The following PTMA variants were observed in gnomAD, a reference collection of about 807,000 sequenced individuals.
PTMA encodes the protein gene sequence 28.
Under a neutral mutation model 16.9 loss-of-function variants are expected in PTMA, and 4 were observed. The observed-to-expected ratio is 0.24, with a 90% confidence interval of 0.12 to 0.54. The LOEUF is 0.54. Ranked by LOEUF, PTMA falls within the 20% of genes least tolerant of loss-of-function variation. The pLI is 0.95. For missense variants in PTMA, 120 were observed against 137.7 expected (o/e 0.87, Z 0.64); for synonymous variants, 58 against 47.9 (o/e 1.21, Z -0.87).
intron 1 of PTMA, chr2:231,709,794 C>G (rs2060412): frequency 2.4e-5 from 4 of 165,686 alleles, no homozygotes; most frequent in Non-Finnish European, 5.2e-5. Flanking sequence ...CTGACTGGCT[C>G]TTTCTTAATA....
Position 231,712,998 on chromosome 2 carries a change from A to G in PTMA, c.*147A>G. On this transcript the variant is annotated 3_prime_UTR_variant, in exon 5 of 5. Transcript: ENST00000409115. ...GTGGGCAGTGCCACCCGCAGATGAC[A>G]CGCGCTCTCCACCACCCAACCCAAA... 1 of 774,758 alleles carries G rather than the reference A, an allele frequency of 1.3e-6. No homozygotes were observed. Among genetic ancestry groups the G allele is most frequent in the Non-Finnish European group, 2.1e-6 (1 of 482,482 alleles). 48.0% of individuals were successfully genotyped at this position (774,758 alleles called of 1,614,324 possible).
At position 231,713,428 on chromosome 2, in the gene PTMA, C is replaced by G. The variant is rs777968490; in HGVS notation, c.*577C>G. On this transcript the variant is annotated 3_prime_UTR_variant, in exon 5 of 5. Transcript: ENST00000409115. ...AAAGATAAAAGGTTTCTTTTTTTTT[C>G]CTTTTTTGTCTATGAAGTTGCTGTT... 1 of 506,548 alleles carries G rather than the reference C, an allele frequency of 2.0e-6. No homozygotes were observed. Among genetic ancestry groups the G allele is most frequent in the South Asian group, 1.5e-5 (1 of 65,380 alleles). The allele number at this position is 506,548 out of a possible 1,614,324, so 31.4% of individuals were successfully genotyped here. A position where few individuals can be genotyped will look rare whatever the true frequency, so the allele number is the denominator to read the frequency against.
At chr2:231,708,835 A>T (rs964788065) in intron 1 of PTMA, 84 bp downstream of exon 1, 1 of 1,486,662 alleles carries the variant, frequency 6.7e-7, no homozygotes, top group African/African-American at 1.4e-5. Context: ...GGACTGTCTC[A>T]AGCCCGCTGT....
rs991628204 is a variant in PTMA at position 231,710,081 on chromosome 2, G to A, written c.46-1267G>A. 1.5e-5 allele frequency: 18 copies of A among 1,233,624 alleles called. No individual in the cohort carries two copies. In the Middle Eastern group the frequency reaches 1.6e-3, roughly 108 times the overall value. The allele number at this position is 1,233,624 out of a possible 1,614,324, so 76.4% of individuals were successfully genotyped here. ...CACCAAAAGGTGACTTCCCGCGAGG[G>A]CGATGAGTAGTAGCCCGAGAGGCGC... is the stretch of plus-strand genomic sequence containing the variant. On this transcript the variant is annotated intron_variant, in intron 1 of 4. Transcript: ENST00000409115.
intron 1 of PTMA, chr2:231,709,936 C>T (rs2048494687): frequency 5.0e-6 from 3 of 597,346 alleles, no homozygotes; most frequent in Non-Finnish European, 7.2e-6. Context: ...GAGCGGAGCT[C>T]GGGGCCCGGA....
intron 3 of PTMA, 98 bp from the exon 4 acceptor site, chr2:231,712,345 G>C (rs1309915402): frequency 7.8e-7 from 1 of 1,287,530 alleles, no homozygotes; most frequent in Non-Finnish European, 1.1e-6. Flanking sequence ...AGTAGAGGCA[G>C]GGCAGGGACC....
intron 1 of PTMA, among the ~76,000 whole-genome samples, chr2:231,709,263 G>A (rs2048484396): frequency 1.3e-5 from 2 of 152,276 alleles, no homozygotes; most frequent in South Asian, 4.1e-4. Context: ...CGGACCTGAG[G>A]TGGTTTGTCT....
chr2:231,709,033 C>T (rs899239285), intron 1 of PTMA, among the ~76,000 whole-genome samples: 4 of 152,174 alleles, frequency 2.6e-5, no homozygotes, highest in Admixed American at 1.3e-4. Context: ...CGAAACTCGT[C>T]TGTGGCCGGT....
chr2:231,711,112 G>A, intron 1 of PTMA: 2 of 393,926 alleles, frequency 5.1e-6, no homozygotes, highest in Non-Finnish European at 9.3e-6. Flanking sequence ...CGCCACCGGG[G>A]CCGCTGTAGC....
rs2048545108 is a variant in PTMA, at chr2:231,713,340, T to G, written c.*489T>G. 2.0e-6 allele frequency: 1 copy of G among 509,802 alleles called. No homozygotes were observed. Among genetic ancestry groups the G allele is most frequent in the Non-Finnish European group, 4.0e-6 (1 of 252,398 alleles). 31.6% of individuals were successfully genotyped at this position (509,802 alleles called of 1,614,324 possible). ...TCTTATTCCGAGCATTCCAGTAACT[T>G]TTTTGTGTATGTACTTAGCTGTACT... is the stretch of plus-strand genomic sequence containing the variant. On this transcript the variant is annotated 3_prime_UTR_variant, in exon 5 of 5. Coordinates refer to ENST00000409115, the MANE Select transcript of PTMA (RefSeq NM_002823.5).
Position 231,713,498 on chromosome 2 carries a change from C to T in PTMA, c.*647C>T, listed in dbSNP as rs1180722789. 4 of 407,424 alleles carry T rather than the reference C, an allele frequency of 9.8e-6. No individual in the cohort carries two copies. The highest frequency in any genetic ancestry group is 2.0e-5 in the Non-Finnish European group (4 of 200,100). The allele number at this position is 407,424 out of a possible 1,614,324, so 25.2% of individuals were successfully genotyped here. A position where few individuals can be genotyped will look rare whatever the true frequency, so the allele number is the denominator to read the frequency against. ...GATGTATGTGTGAAACAATGTTGTC[C>T]AACAATAAACAGGAATTTTATTTTG... On this transcript the variant is annotated 3_prime_UTR_variant, in exon 5 of 5. Coordinates refer to ENST00000409115, the MANE Select transcript of PTMA (RefSeq NM_002823.5).
chr2:231,710,385 G>T, intron 1 of PTMA: 1 of 1,180,150 alleles, frequency 8.5e-7, no homozygotes, highest in Non-Finnish European at 1.1e-6. Flanking sequence ...CCCGCCGGGC[G>T]GGGGATGCGC....
At chr2:231,709,626 A>C (rs1438743477) in intron 1 of PTMA, among the ~76,000 whole-genome samples, 1 of 152,214 alleles carries the variant, frequency 6.6e-6, no homozygotes, top group South Asian at 2.1e-4. Flanking sequence ...GTAGGGTCGA[A>C]CTGGGGGGGC....
Position 231,712,854 on chromosome 2 carries a change from A to C in PTMA, c.*3A>C, listed in dbSNP as rs1286128329. On this transcript the variant is annotated 3_prime_UTR_variant, in exon 5 of 5. Coordinates refer to ENST00000409115, the MANE Select transcript of PTMA (RefSeq NM_002823.5). ...AGAAGACCGACGAGGATGACTAGAC[A>C]GCAAAAAAGGAAAAGTTAAACTAAA... The C allele has an allele frequency of 6.4e-7, 1 of 1,566,106 alleles. No individual in the cohort carries two copies. Among genetic ancestry groups the C allele is most frequent in the Non-Finnish European group, 8.6e-7 (1 of 1,157,460 alleles).
intron 1 of PTMA, among the ~76,000 whole-genome samples, chr2:231,710,863 C>G (rs1351244195): frequency 6.6e-6 from 1 of 152,264 alleles, no homozygotes; most frequent in African/African-American, 2.4e-5. Context: ...CCTCGCGGGC[C>G]TTCCAGGCTG....
chr2:231,711,599 A>C, intron 2 of PTMA, 180 bp downstream of exon 2: 1 of 741,734 alleles, frequency 1.3e-6, no homozygotes, highest in South Asian at 1.9e-5. Flanking sequence ...AATATTTATA[A>C]AAACCTTTCG....
At chr2:231,712,584 G>A in intron 4 of PTMA, 68 bp downstream of exon 4, 1 of 1,524,108 alleles carries the variant, frequency 6.6e-7, no homozygotes, top group South Asian at 1.1e-5. Flanking sequence ...TAGCTGAGGT[G>A]CTCAAGCTGC....
At chr2:231,711,812 G>GA in intron 2 of PTMA, 78 bp from the exon 3 acceptor site, 1 of 1,575,504 alleles carries the variant, frequency 6.3e-7, no homozygotes, top group South Asian at 1.2e-5. Context: ...CCTCTGGTGG[G>GA]AGGCCGGGCA....
Position 231,712,917 on chromosome 2 carries a change from C to T in PTMA, c.*66C>T, listed in dbSNP as rs13400325. On this transcript the variant is annotated 3_prime_UTR_variant, in exon 5 of 5. Coordinates refer to ENST00000409115, the MANE Select transcript of PTMA (RefSeq NM_002823.5). ...GCCGTGACCTATTCACCCTCCACTT[C>T]CCGTCTCAGAATCTAAACGTGGTCA... The T allele has an allele frequency of 3.8e-4, 562 of 1,486,520 alleles. 3 individuals carry two copies. The African/African-American group carries it at 7.2e-3, about 19-fold the overall frequency. 92.1% of individuals were successfully genotyped at this position (1,486,520 alleles called of 1,614,324 possible).
Sources: allele counts gnomAD v4.1 joint callset (sites outside exome capture counted in the v4.1 genomes callset), GRCh38; gene constraint gnomAD v4.1.1; transcripts MANE v1.5; gene names NCBI Gene and HGNC (gene_info 2026-07-23, HGNC 2026-07-21).